Variants in CPED1 observed in about 807,000 individuals in gnomAD.
CPED1 encodes the protein cadherin like and PC-esterase domain containing 1.
Under a neutral mutation model 128.2 loss-of-function variants are expected in CPED1, and 114 were observed. The observed-to-expected ratio is 0.89, with a 90% confidence interval of 0.76 to 1.04. The LOEUF is 1.04. CPED1 is among the 50% of genes least tolerant of loss of function. CPED1 has a pLI of 0.00. For synonymous variants in CPED1, 462 were observed against 426.7 expected (o/e 1.08, Z -1.02); for missense variants, 1,211 against 1,207.1 (o/e 1.00, Z -0.05).
chr7:121,092,560 A>G (rs370141230), intron 5 of CPED1, among the ~76,000 whole-genome samples: 19 of 152,212 alleles, frequency 1.2e-4, no homozygotes, highest in African/African-American at 4.3e-4. Flanking sequence ...ATTCAAAATA[A>G]CCCTTCTCTT....
At chr7:121,155,924 G>C (rs148370967) in intron 16 of CPED1, among the ~76,000 whole-genome samples, 1 of 152,080 alleles carries the variant, frequency 6.6e-6, no homozygotes, top group African/African-American at 2.4e-5. Context: ...CCTAAAAAAT[G>C]GGAGAAACGC....
intron 2 of CPED1, among the ~76,000 whole-genome samples, chr7:120,995,953 T>C (rs544058458): frequency 1.5e-5 from 2 of 132,766 alleles, no homozygotes; most frequent in East Asian, 4.0e-4. Context: ...CTTCTCCTCC[T>C]CCTCCTCCTC....
At chr7:121,182,864 T>A (rs575088987) in intron 16 of CPED1, among the ~76,000 whole-genome samples, 36 of 152,284 alleles carry the variant, frequency 2.4e-4, no homozygotes, top group Admixed American at 2.4e-3. Context: ...TGAGGACCAC[T>A]GTGCCTGGTA....
chr7:121,126,546 G>A (rs555975197), intron 9 of CPED1, among the ~76,000 whole-genome samples: 2 of 152,132 alleles, frequency 1.3e-5, no homozygotes, highest in East Asian at 3.9e-4. Context: ...AAAGGAAGAA[G>A]GGGAAAATAA....
intron 16 of CPED1, among the ~76,000 whole-genome samples, chr7:121,169,905 A>G (rs964194692): frequency 1.3e-5 from 2 of 152,196 alleles, no homozygotes; most frequent in African/African-American, 2.4e-5. Flanking sequence ...GATGGCTCCA[A>G]TAATGCAAAT....
At position 121,211,598 on chromosome 7, in the gene CPED1, T is replaced by A. The variant is rs1451187722; in HGVS notation, c.2056-25116T>A. Reference sequence around the variant, plus strand: ...ACATATTCTGGAGATCAGCTTGAACTATCACAGGGCTGTGGATTGTTGAGA... The same window carrying A: ...ACATATTCTGGAGATCAGCTTGAACAATCACAGGGCTGTGGATTGTTGAGA... On this transcript the variant is annotated intron_variant, in intron 16 of 22. Coordinates refer to ENST00000310396, the MANE Select transcript of CPED1 (RefSeq NM_024913.5). Among the ~76,000 whole-genome samples, 29 of 10,486 alleles carry A rather than the reference T, an allele frequency of 2.8e-3. No homozygotes were observed. In the South Asian group the frequency reaches 0.072, roughly 26 times the overall value. 6.9% of individuals were successfully genotyped at this position (10,486 alleles called of 152,430 possible).
At chr7:121,227,306 C>A (rs1366176183) in intron 16 of CPED1, among the ~76,000 whole-genome samples, 3 of 152,012 alleles carry the variant, frequency 2.0e-5, no homozygotes, top group Non-Finnish European at 2.9e-5. Flanking sequence ...TAGCTTCAAT[C>A]AGAAGCCGTG....
intron 4 of CPED1, 120 bp from the exon 5 acceptor site, chr7:121,064,118 G>T: frequency 1.6e-6 from 1 of 616,360 alleles, no homozygotes. Flanking sequence ...TTTGAAGGTG[G>T]GGTGTGGGTG....
chr7:121,225,128 T>G (rs1032886710), intron 16 of CPED1, among the ~76,000 whole-genome samples: 19 of 152,244 alleles, frequency 1.2e-4, no homozygotes, highest in Admixed American at 6.5e-4. Flanking sequence ...TTTCTTTCCA[T>G]GTTTAGTGCT....
chr7:121,079,173 G>A (rs927539805), intron 5 of CPED1, among the ~76,000 whole-genome samples: 2 of 152,120 alleles, frequency 1.3e-5, no homozygotes, highest in Non-Finnish European at 2.9e-5. Flanking sequence ...ATAAATATGG[G>A]GGAGGAACAC....
At chr7:121,207,099 C>T (rs1432409767) in intron 16 of CPED1, among the ~76,000 whole-genome samples, 1 of 151,878 alleles carries the variant, frequency 6.6e-6, no homozygotes, top group Non-Finnish European at 1.5e-5. Flanking sequence ...TTTTAAATGA[C>T]TACATAATAT....
intron 17 of CPED1, among the ~76,000 whole-genome samples, chr7:121,239,808 A>G (rs933068412): frequency 2.6e-5 from 4 of 152,310 alleles, no homozygotes; most frequent in African/African-American, 9.6e-5. Context: ...TAGAGCTATA[A>G]TTATAAGTCA....
chr7:121,045,809 A>T (rs1240053412), intron 3 of CPED1, among the ~76,000 whole-genome samples: 1 of 152,026 alleles, frequency 6.6e-6, no homozygotes, highest in African/African-American at 2.4e-5. Context: ...TCATTTAGAC[A>T]TTACCCAGAG....
At chr7:121,071,289 A>G (rs956193331) in intron 5 of CPED1, among the ~76,000 whole-genome samples, 2 of 152,100 alleles carry the variant, frequency 1.3e-5, no homozygotes, top group African/African-American at 4.8e-5. Flanking sequence ...GATCCCATCC[A>G]GTGGTCTAGT....
chr7:121,226,137 A>G (rs1257964883), intron 16 of CPED1, among the ~76,000 whole-genome samples: 1 of 151,942 alleles, frequency 6.6e-6, no homozygotes, highest in Non-Finnish European at 1.5e-5. Context: ...TTGGTCTTTG[A>G]TGTTGGTAAT....
chr7:121,255,019 A>C (rs1043919400), intron 18 of CPED1, among the ~76,000 whole-genome samples: 2 of 151,888 alleles, frequency 1.3e-5, no homozygotes, highest in Admixed American at 1.3e-4. Context: ...AAACTATCCC[A>C]AAAAATCAAA....
chr7:121,015,923 C>T (rs1679643124), intron 3 of CPED1, 75 bp downstream of exon 3: 1 of 1,081,694 alleles, frequency 9.2e-7, no homozygotes, highest in Non-Finnish European at 1.2e-6. Context: ...GTGCTACTAT[C>T]TCCCTCTAAA....
intron 2 of CPED1, among the ~76,000 whole-genome samples, chr7:121,009,020 G>T (rs947890238): frequency 6.6e-6 from 1 of 151,966 alleles, no homozygotes; most frequent in Admixed American, 6.6e-5. Flanking sequence ...TCTCCCTCAG[G>T]TCCCTTAGCT....
intron 4 of CPED1, among the ~76,000 whole-genome samples, chr7:121,052,977 C>G (rs1793397017): frequency 6.6e-6 from 1 of 152,118 alleles, no homozygotes; most frequent in Non-Finnish European, 1.5e-5. Context: ...CCTTGACCTC[C>G]CAAAGTGCTG....
Sources: allele counts gnomAD v4.1 joint callset (sites outside exome capture counted in the v4.1 genomes callset), GRCh38; gene constraint gnomAD v4.1.1; transcripts MANE v1.5; gene names NCBI Gene and HGNC (gene_info 2026-07-23, HGNC 2026-07-21).